Variants in ZNF704 observed in about 807,000 individuals in gnomAD.
ZNF704 encodes zinc finger protein 704.
A neutral mutation model predicts 44.7 loss-of-function variants in ZNF704; 10 were observed. The observed-to-expected ratio is 0.22, with a 90% CI of 0.14 to 0.38. The LOEUF (loss-of-function observed/expected upper bound fraction) is 0.38. ZNF704 is among the 10% of genes least tolerant of loss of function. ZNF704 has a pLI of 1.00. For synonymous variants in ZNF704, 211 were observed against 207.6 expected, an observed-to-expected ratio of 1.02 and a Z score of -0.14; for missense variants, 390 against 545.5, an observed-to-expected ratio of 0.71 and a Z score of 2.84.
chr8:80,836,790 A>G (rs1808590473), intron 1 of ZNF704, among the ~76,000 whole-genome samples: 1 of 151,740 alleles, frequency 6.6e-6, no homozygotes, highest in African/African-American at 2.4e-5. Context: ...ACCTATCTCA[A>G]AAAAACAAAA....
intron 2 of ZNF704, among the ~76,000 whole-genome samples, chr8:80,723,897 C>G (rs1387602168): frequency 6.6e-6 from 1 of 152,184 alleles, no homozygotes; most frequent in Non-Finnish European, 1.5e-5. Flanking sequence ...ACTGTTCCAA[C>G]ATTTCAAATG....
chr8:80,707,692 A>T (rs539249454), intron 2 of ZNF704, among the ~76,000 whole-genome samples: 1 of 152,226 alleles, frequency 6.6e-6, no homozygotes, highest in Admixed American at 6.5e-5. Context: ...GTCAGAAGTG[A>T]ACCAGTTTAT....
chr8:80,859,334 G>A (rs865864281), intron 1 of ZNF704, among the ~76,000 whole-genome samples: 1 of 152,274 alleles, frequency 6.6e-6, no homozygotes, highest in Middle Eastern at 3.4e-3. Context: ...AATCTACCAG[G>A]GGTAGGAAAG....
chr8:80,710,986 G>A (rs555736785), intron 2 of ZNF704, among the ~76,000 whole-genome samples: 23 of 152,240 alleles, frequency 1.5e-4, no homozygotes, highest in African/African-American at 4.6e-4. Flanking sequence ...CTGCAGTTTC[G>A]CATAGGGCTA....
intron 2 of ZNF704, among the ~76,000 whole-genome samples, chr8:80,794,664 G>C (rs1807768438): frequency 6.6e-6 from 1 of 152,156 alleles, no homozygotes; most frequent in South Asian, 2.1e-4. Context: ...AAACTGCCAA[G>C]ATCTTTGCAA....
intron 2 of ZNF704, among the ~76,000 whole-genome samples, chr8:80,784,505 A>G (rs1347210680): frequency 3.3e-5 from 5 of 152,208 alleles, no homozygotes; most frequent in African/African-American, 1.2e-4. Flanking sequence ...CAATTTCCTA[A>G]TAACATATGA....
chr8:80,712,891 T>TTTTGG (rs919374556), intron 2 of ZNF704, among the ~76,000 whole-genome samples: 2 of 151,912 alleles, frequency 1.3e-5, no homozygotes, highest in African/African-American at 4.8e-5. Flanking sequence ...TGTTTGTTTG[T>TTTTGG]TTTGGTTTGG....
At chr8:80,700,757 A>G (rs1000085542) in intron 2 of ZNF704, among the ~76,000 whole-genome samples, 7 of 152,200 alleles carry the variant, frequency 4.6e-5, no homozygotes, top group Non-Finnish European at 8.8e-5. Context: ...GAATCATTAG[A>G]CCATTCTCTC....
intron 1 of ZNF704, among the ~76,000 whole-genome samples, chr8:80,860,153 C>T (rs1259286969): frequency 6.6e-6 from 1 of 152,208 alleles, no homozygotes; most frequent in Non-Finnish European, 1.5e-5. Context: ...GTGTGGCTTT[C>T]AGATAAAACT....
chr8:80,798,260 T>A (rs1161103941), intron 2 of ZNF704, among the ~76,000 whole-genome samples: 4 of 147,042 alleles, frequency 2.7e-5, no homozygotes, highest in South Asian at 4.2e-4. Context: ...GTGTCCATAT[T>A]TTTTTTTTTT....
intron 7 of ZNF704, among the ~76,000 whole-genome samples, chr8:80,648,223 G>A (rs1373026187): frequency 6.6e-6 from 1 of 152,110 alleles, no homozygotes; most frequent in Admixed American, 6.5e-5. Flanking sequence ...AACTTTGGGG[G>A]ACACTTGCAA....
intron 2 of ZNF704, among the ~76,000 whole-genome samples, chr8:80,730,227 C>A (rs1292624115): frequency 2.0e-5 from 3 of 152,138 alleles, no homozygotes; most frequent in South Asian, 2.1e-4. Flanking sequence ...TTTGTGTGCT[C>A]CATGACTATA....
chr8:80,734,071 C>G (rs1806625830), intron 2 of ZNF704, among the ~76,000 whole-genome samples: 1 of 152,190 alleles, frequency 6.6e-6, no homozygotes, highest in South Asian at 2.1e-4. Flanking sequence ...AACTGCCAAT[C>G]TACTCATTTA....
intron 1 of ZNF704, among the ~76,000 whole-genome samples, chr8:80,850,963 C>A (rs886109905): frequency 1.3e-5 from 2 of 152,122 alleles, no homozygotes; most frequent in African/African-American, 2.4e-5. Flanking sequence ...AATGGGGATA[C>A]CTTCTGAGAA....
chr8:80,768,286 A>T lies in ZNF704; in HGVS notation c.221+53088T>A, dbSNP rs1457753196. The stretch of plus-strand genomic sequence containing the variant: ...TTTTTCCTTTCAGACTCCTTAAAAA[A>T]TAAAGCTTTATGTGATATGTCCTTG... On this transcript the variant is annotated intron_variant, in intron 2 of 8. Transcript: ENST00000327835. 7.2e-5 allele frequency among the ~76,000 whole-genome samples: 11 copies of T among 152,300 alleles called. No homozygotes were observed. In the East Asian group the frequency reaches 2.1e-3, roughly 29 times the overall value.
At chr8:80,692,943 A>G in intron 3 of ZNF704, 61 bp downstream of exon 3, 4 of 1,460,364 alleles carry the variant, frequency 2.7e-6, no homozygotes, top group Non-Finnish European at 3.8e-6. Context: ...AGACATCTCA[A>G]AGAAAGGCCC....
At chr8:80,759,442 C>T (rs1807091799) in intron 2 of ZNF704, among the ~76,000 whole-genome samples, 1 of 152,128 alleles carries the variant, frequency 6.6e-6, no homozygotes, top group Non-Finnish European at 1.5e-5. Context: ...TTAATACCCT[C>T]TTTACTAGTG....
chr8:80,681,725 A>T (rs1340170296), intron 4 of ZNF704, among the ~76,000 whole-genome samples: 1 of 152,194 alleles, frequency 6.6e-6, no homozygotes, highest in Non-Finnish European at 1.5e-5. Context: ...GTGCTTCCTC[A>T]ATCAATGAAT....
At chr8:80,742,809 G>A (rs1040613062) in intron 2 of ZNF704, among the ~76,000 whole-genome samples, 1 of 151,984 alleles carries the variant, frequency 6.6e-6, no homozygotes, top group Non-Finnish European at 1.5e-5. Context: ...CAGTTAGAGC[G>A]GTTGTCGGCC....
Sources: gnomAD v4.1 joint callset for allele counts (sites outside exome capture counted in the v4.1 genomes callset) on GRCh38, gnomAD v4.1.1 for gene constraint, MANE v1.5 for transcripts, NCBI Gene and HGNC (gene_info 2026-07-23, HGNC 2026-07-21) for gene names.